WDR45B: variants seen among roughly 807,000 people sequenced by gnomAD.
The protein encoded by WDR45B is WD repeat domain phosphoinositide-interacting protein 3.
A neutral mutation model predicts 44.6 loss-of-function variants in WDR45B; 20 were observed. The observed-to-expected ratio is 0.45, with a 90% confidence interval of 0.32 to 0.65. The LOEUF is 0.65. Ranked by LOEUF, WDR45B falls within the 30% of genes least tolerant of loss-of-function variation. The probability of loss-of-function intolerance (pLI) is 0.05; values close to 1 mark genes in which losing one functional copy is unlikely to be tolerated. For synonymous variants in WDR45B, 169 were observed against 164.9 expected (o/e 1.02, Z -0.19); for missense variants, 323 against 430.2 (o/e 0.75, Z 2.20).
intron 2 of WDR45B, among the ~76,000 whole-genome samples, chr17:82,634,844 G>A (rs1346542890): frequency 2.6e-5 from 4 of 152,020 alleles, no homozygotes; most frequent in African/African-American, 7.3e-5. Context: ...TGGGATTACA[G>A]GGGTGAGCTG....
chr17:82,624,175 T>TAC (rs1171874184), intron 5 of WDR45B, among the ~76,000 whole-genome samples: 3 of 152,068 alleles, frequency 2.0e-5, no homozygotes, highest in South Asian at 2.1e-4. Flanking sequence ...GTAACACACA[T>TAC]ACACACACAC....
intron 4 of WDR45B, among the ~76,000 whole-genome samples, chr17:82,626,533 CAAAAAAAAAAA>C (rs562186058): frequency 1.3e-4 from 10 of 79,456 alleles, no homozygotes; most frequent in East Asian, 7.7e-4. Context: ...CTCTATCTCC[CAAAAAAAAAAA>C]AAAAAAAAAA....
chr17:82,621,552 T>G (rs376238214), intron 6 of WDR45B, 57 bp downstream of exon 6: 1 of 1,611,234 alleles, frequency 6.2e-7, no homozygotes, highest in African/African-American at 1.3e-5. Context: ...AATGGCCATT[T>G]TGCTGAGCCT....
chr17:82,627,638 C>T lies in WDR45B; in HGVS notation c.245-347G>A, dbSNP rs9906994. On this transcript the variant is annotated intron_variant, in intron 3 of 9. Transcript: ENST00000392325. ...TGGCCTCACACACAGGCACGCTAAG[C>T]GCATTCATCTCTCTCTGCCAACCAT... 4.4e-4 allele frequency among the ~76,000 whole-genome samples: 67 copies of T among 152,354 alleles called. 1 individual carries two copies. Among genetic ancestry groups the T allele is most frequent in the African/African-American group, 1.4e-3 (59 of 41,582 alleles).
chr17:82,638,554 T>A (rs1471535412), intron 2 of WDR45B, among the ~76,000 whole-genome samples: 1 of 151,854 alleles, frequency 6.6e-6, no homozygotes, highest in Non-Finnish European at 1.5e-5. Flanking sequence ...AAAGGGGATG[T>A]CTGAATACTG....
In WDR45B at chr17:82,639,459, G is replaced by C. The variant is rs751230459; in HGVS notation, c.142+4490C>G. ...CTACCAATTTAACCTTCTACCACCA[G>C]GTTACCAAACTTCCCCTTTCCACCT... On this transcript the variant is annotated intron_variant, in intron 2 of 9. Transcript: ENST00000392325. 1.1e-4 allele frequency among the ~76,000 whole-genome samples: 16 copies of C among 151,976 alleles called. 1 individual carries two copies. Among genetic ancestry groups the C allele is most frequent in the South Asian group, 6.2e-4 (3 of 4,836 alleles).
Position 82,621,636 on chromosome 17 carries a change from TC to T in WDR45B, c.590del (p.Gly197GlufsTer14), listed in dbSNP as rs2045619046. ...TCTCGGATGCAGTTGCAATTCTTGT[TC>T]CCTGCAGGTTGAGTGCAATGCAGCT... ...VLSCIALNLQ[G>X]TRIATASEKG... On this transcript the variant is annotated frameshift_variant, in exon 6 of 10. Coordinates refer to ENST00000392325, the MANE Select transcript of WDR45B (RefSeq NM_019613.4). LOFTEE classifies it high-confidence loss of function. 6.2e-7 allele frequency: 1 copy of T among 1,614,088 alleles called. No individual in the cohort carries two copies. Among genetic ancestry groups the T allele is most frequent in the Non-Finnish European group, 8.5e-7 (1 of 1,180,048 alleles).
chr17:82,626,533 CAAAAAAAA>C (rs562186058), intron 4 of WDR45B, among the ~76,000 whole-genome samples: 76 of 79,434 alleles, frequency 9.6e-4, no homozygotes, highest in African/African-American at 2.0e-3. Flanking sequence ...CTCTATCTCC[CAAAAAAAA>C]AAAAAAAAAA....
At position 82,641,247 on chromosome 17, in the gene WDR45B, G is replaced by A. The variant is rs74680188; in HGVS notation, c.142+2702C>T. Among the ~76,000 whole-genome samples the A allele has an allele frequency of 9.9e-4, 150 of 152,212 alleles. 3 individuals carry two copies. The East Asian group carries it at 0.024, about 24-fold the overall frequency. ...CTCCCAAAGTGCTGGGATTACAGGC[G>A]TGAGCCACCGTGCGGGCCGTCAAAC... On this transcript the variant is annotated intron_variant, in intron 2 of 9. Coordinates refer to ENST00000392325, the MANE Select transcript of WDR45B (RefSeq NM_019613.4).
At chr17:82,624,592 A>G (rs968980667) in intron 5 of WDR45B, among the ~76,000 whole-genome samples, 14 of 145,932 alleles carry the variant, frequency 9.6e-5, no homozygotes, top group Middle Eastern at 4.2e-3. Flanking sequence ...CGGTGGCTAC[A>G]CAACTGTTTA....
chr17:82,648,336 T>G lies in WDR45B; in HGVS notation c.5A>C (p.Asn2Thr), dbSNP rs1390162335. 6.2e-7 allele frequency: 1 copy of G among 1,605,332 alleles called. No homozygotes were observed. The highest frequency in any genetic ancestry group is 1.4e-5 in the African/African-American group (1 of 73,962). M[N>T]LLPCNPHGNG... ...GCCGTGAGGGTTACACGGCAGGAGG[T>G]TCATGGCGCCGCCGTGCTGGGTCGC... The change falls in exon 1 of 10, where the codon AAC (asparagine) becomes ACC (threonine). Residue 2 changes from asparagine (N) to threonine (T), a missense_variant. Transcript: ENST00000392325.
intron 2 of WDR45B, among the ~76,000 whole-genome samples, chr17:82,641,226 C>T (rs2045910949): frequency 6.6e-6 from 1 of 152,174 alleles, no homozygotes; most frequent in South Asian, 2.1e-4. Context: ...CTCAGCCTCC[C>T]AAAGTGCTGG....
At chr17:82,619,570 A>T (rs890359954) in intron 6 of WDR45B, among the ~76,000 whole-genome samples, 3 of 151,878 alleles carry the variant, frequency 2.0e-5, no homozygotes, top group East Asian at 1.9e-4. Context: ...GCAAAAAAAA[A>T]AAAATAAAAG....
chr17:82,620,687 C>A (rs1039852260), intron 6 of WDR45B, among the ~76,000 whole-genome samples: 1 of 152,156 alleles, frequency 6.6e-6, no homozygotes, highest in African/African-American at 2.4e-5. Context: ...CAAAGTAACA[C>A]CGGGTTTGCA....
chr17:82,646,873 C>T (rs1420680268), intron 1 of WDR45B, among the ~76,000 whole-genome samples: 2 of 152,216 alleles, frequency 1.3e-5, no homozygotes, highest in Admixed American at 1.3e-4. Context: ...GCTGGCAGCG[C>T]CCAGGAAGCC....
At chr17:82,642,614 G>C (rs1259526837) in intron 2 of WDR45B, among the ~76,000 whole-genome samples, 1 of 152,198 alleles carries the variant, frequency 6.6e-6, no homozygotes, top group Non-Finnish European at 1.5e-5. Context: ...GGTGGGGACT[G>C]GGGCAGTCTT....
intron 6 of WDR45B, among the ~76,000 whole-genome samples, chr17:82,620,977 G>A (rs1438784170): frequency 6.6e-6 from 1 of 152,032 alleles, no homozygotes; most frequent in Non-Finnish European, 1.5e-5. Flanking sequence ...GAGTGGTTCT[G>A]CAAAATCTAT....
chr17:82,619,976 T>G (rs1038875914), intron 6 of WDR45B, among the ~76,000 whole-genome samples: 1 of 152,168 alleles, frequency 6.6e-6, no homozygotes, highest in Non-Finnish European at 1.5e-5. Flanking sequence ...TCCACATTTG[T>G]AACGGGGATT....
At chr17:82,630,109 C>T (rs2143312747) in intron 3 of WDR45B, among the ~76,000 whole-genome samples, 4 of 152,176 alleles carry the variant, frequency 2.6e-5, no homozygotes, top group Admixed American at 2.6e-4. Context: ...GATGCTTGCT[C>T]CACTTTTCCT....
Sources: gnomAD v4.1 joint callset for allele counts (sites outside exome capture counted in the v4.1 genomes callset) on GRCh38, gnomAD v4.1.1 for gene constraint, MANE v1.5 for transcripts, NCBI Gene and HGNC (gene_info 2026-07-23, HGNC 2026-07-21) for gene names.